PTPRD: variants seen among roughly 807,000 people sequenced by gnomAD.
PTPRD encodes protein tyrosine phosphatase receptor type D.
A neutral mutation model predicts 214.5 loss-of-function variants in PTPRD; 34 were observed. The observed-to-expected ratio is 0.16, with a 90% CI of 0.12 to 0.21. The LOEUF (loss-of-function observed/expected upper bound fraction) is 0.21, where lower values mean the gene tolerates loss of function less well. Among genes scored for constraint, PTPRD ranks in the 10% least tolerant of loss-of-function variants. The probability of loss-of-function intolerance (pLI) is 1.00; values close to 1 mark genes in which losing one functional copy is unlikely to be tolerated. For synonymous variants in PTPRD, 1,128 were observed against 845.7 expected, an observed-to-expected ratio of 1.33 and a Z score of -5.79; for missense variants, 2,545 against 2,398.7, an observed-to-expected ratio of 1.06 and a Z score of -1.27.
chr9:9,718,366 C>T (rs746628213), intron 7 of PTPRD, among the ~76,000 whole-genome samples: 1 of 152,098 alleles, frequency 6.6e-6, no homozygotes, highest in Non-Finnish European at 1.5e-5. Flanking sequence ...CTAGAGTGGC[C>T]GCTGTGAGGA....
chr9:10,517,092 A>G (rs1170515702), intron 2 of PTPRD, among the ~76,000 whole-genome samples: 1 of 151,872 alleles, frequency 6.6e-6, no homozygotes, highest in African/African-American at 2.4e-5. Context: ...TTTTTTTTCT[A>G]TTTCATTAAG....
chr9:9,005,701 T>C (rs4559293), intron 11 of PTPRD, among the ~76,000 whole-genome samples: 11,304 of 152,092 alleles, frequency 0.074, 627 homozygotes, highest in East Asian at 0.24. Flanking sequence ...TATTATTCTC[T>C]AATGCATTTT....
At chr9:8,529,288 T>G (rs568927801) in intron 14 of PTPRD, among the ~76,000 whole-genome samples, 30 of 152,202 alleles carry the variant, frequency 2.0e-4, no homozygotes, top group African/African-American at 7.2e-4. Context: ...AGAAGCTAGG[T>G]CACGCTATCT....
chr9:10,606,448 A>T (rs1056055985), intron 2 of PTPRD, among the ~76,000 whole-genome samples: 1 of 151,744 alleles, frequency 6.6e-6, no homozygotes. Flanking sequence ...ATTTTTCCTA[A>T]ATTCTAAATA....
At chr9:10,038,553 C>T (rs1184950174) in intron 3 of PTPRD, among the ~76,000 whole-genome samples, 1 of 152,044 alleles carries the variant, frequency 6.6e-6, no homozygotes, top group Non-Finnish European at 1.5e-5. Flanking sequence ...ATTGGAGATA[C>T]TAATATTATC....
In PTPRD at chr9:10,385,514, T is replaced by A. The variant is rs1367992309; in HGVS notation, c.-599-44497A>T. On this transcript the variant is annotated intron_variant, in intron 2 of 45. Coordinates refer to ENST00000381196, the MANE Select transcript of PTPRD (RefSeq NM_002839.4). ...TCAGTGATTCTTAATGTAAGTAAGT[T>A]CAAAGAATATAAGCTCCAAGTGTGA... is the stretch of plus-strand genomic sequence containing the variant. 1.3e-5 allele frequency among the ~76,000 whole-genome samples: 2 copies of A among 151,796 alleles called. 1 individual carries two copies. Among genetic ancestry groups the A allele is most frequent in the Non-Finnish European group, 2.9e-5 (2 of 67,844 alleles).
intron 2 of PTPRD, among the ~76,000 whole-genome samples, chr9:10,605,160 T>C (rs1426237386): frequency 1.3e-5 from 2 of 151,812 alleles, no homozygotes; most frequent in East Asian, 1.9e-4. Context: ...ACATTATAAG[T>C]CCTCTTATAA....
rs1385389769 is a variant in PTPRD at position 8,404,646 on chromosome 9, G to A, written c.4101C>T (p.Gly1367=). 6.2e-7 allele frequency: 1 copy of A among 1,610,332 alleles called. No individual in the cohort carries two copies. Among genetic ancestry groups the A allele is most frequent in the Non-Finnish European group, 8.5e-7 (1 of 1,177,460 alleles). ...TTGAATGTTCCCAAGTGAACTGCTG[G>A]CCAGGGTCAATTGACTTTAAAAGGA... The part of the protein sequence containing the change: ...FSQEYESIDP[G]QQFTWEHSNL... The change falls in exon 36 of 46, where the codon GGC becomes GGT. Residue 1367 remains glycine, a synonymous_variant. Coordinates refer to ENST00000381196, the MANE Select transcript of PTPRD (RefSeq NM_002839.4).
chr9:10,424,959 T>A (rs1256066424), intron 2 of PTPRD, among the ~76,000 whole-genome samples: 1 of 152,020 alleles, frequency 6.6e-6, no homozygotes, highest in African/African-American at 2.4e-5. Flanking sequence ...ATTACTTTAG[T>A]GTTGCATTCC....
intron 44 of PTPRD, among the ~76,000 whole-genome samples, chr9:8,323,244 G>A (rs1418524255): frequency 1.3e-5 from 2 of 152,152 alleles, no homozygotes; most frequent in African/African-American, 4.8e-5. Context: ...TTACCCAAGA[G>A]CTCTGGTGGA....
intron 3 of PTPRD, among the ~76,000 whole-genome samples, chr9:10,264,120 A>G: frequency 6.6e-6 from 1 of 152,172 alleles, no homozygotes; most frequent in East Asian, 1.9e-4. Context: ...TCCAGGCAGA[A>G]GTTTGCTTCA....
intron 10 of PTPRD, among the ~76,000 whole-genome samples, chr9:9,032,143 T>C (rs1373072739): frequency 1.3e-5 from 2 of 151,930 alleles, no homozygotes; most frequent in African/African-American, 2.4e-5. Flanking sequence ...GGTCTGTGGG[T>C]TGTAGGAGAT....
intron 8 of PTPRD, among the ~76,000 whole-genome samples, chr9:9,507,132 G>C (rs892026725): frequency 4.0e-5 from 6 of 151,216 alleles, no homozygotes; most frequent in African/African-American, 1.5e-4. Context: ...ATTTTAAAAA[G>C]AATTTGAATG....
chr9:9,594,987 G>A (rs796895098), intron 7 of PTPRD, among the ~76,000 whole-genome samples: 2 of 151,932 alleles, frequency 1.3e-5, no homozygotes, highest in Non-Finnish European at 2.9e-5. Flanking sequence ...ATGGAAAAAT[G>A]CTCAACATCA....
intron 3 of PTPRD, among the ~76,000 whole-genome samples, chr9:10,295,166 A>G (rs969728135): frequency 2.0e-5 from 3 of 152,076 alleles, no homozygotes; most frequent in Non-Finnish European, 2.9e-5. Flanking sequence ...TTTAGCACAC[A>G]CACACCCTTT....
intron 2 of PTPRD, among the ~76,000 whole-genome samples, chr9:10,427,454 A>G (rs1380461107): frequency 6.6e-6 from 1 of 152,172 alleles, no homozygotes; most frequent in Middle Eastern, 3.4e-3. Flanking sequence ...GCTGGCTCTC[A>G]GTTGTACTTC....
intron 11 of PTPRD, among the ~76,000 whole-genome samples, chr9:8,820,171 C>G (rs2097021708): frequency 6.6e-6 from 1 of 152,098 alleles, no homozygotes; most frequent in Non-Finnish European, 1.5e-5. Flanking sequence ...AAAATATATG[C>G]ATATCTGTAG....
At chr9:8,501,525 A>G (rs1004679930) in intron 23 of PTPRD, among the ~76,000 whole-genome samples, 7 of 152,354 alleles carry the variant, frequency 4.6e-5, no homozygotes, top group Admixed American at 2.6e-4. Flanking sequence ...GTTTACATAC[A>G]GTACTCATTT....
At chr9:10,127,756 T>C (rs1440008732) in intron 3 of PTPRD, among the ~76,000 whole-genome samples, 1 of 152,138 alleles carries the variant, frequency 6.6e-6, no homozygotes, top group Non-Finnish European at 1.5e-5. Context: ...CATTTTCTCA[T>C]CTCTAAACTA....
Sources: gnomAD v4.1 joint callset for allele counts (sites outside exome capture counted in the v4.1 genomes callset) on GRCh38, gnomAD v4.1.1 for gene constraint, MANE v1.5 for transcripts, NCBI Gene and HGNC (gene_info 2026-07-23, HGNC 2026-07-21) for gene names.